DENND1A: variants seen among roughly 807,000 people sequenced by gnomAD.
The protein encoded by DENND1A is DENN domain-containing protein 1A.
Under a neutral mutation model 113.7 loss-of-function variants are expected in DENND1A, and 51 were observed. That is an observed-to-expected ratio of 0.45 (90% confidence interval 0.36 to 0.57). The LOEUF (loss-of-function observed/expected upper bound fraction) is 0.57. Ranked by LOEUF, DENND1A falls within the 20% of genes least tolerant of loss-of-function variation. The pLI, the probability that DENND1A is intolerant of heterozygous loss-of-function variation, is 0.00. For missense variants in DENND1A, 1,258 were observed against 1,395.9 expected (o/e 0.90, Z 1.57); for synonymous variants, 565 against 570.8 (o/e 0.99, Z 0.14).
At chr9:123,798,040 T>C (rs144859528) in intron 2 of DENND1A, among the ~76,000 whole-genome samples, 1 of 152,334 alleles carries the variant, frequency 6.6e-6, no homozygotes, top group African/African-American at 2.4e-5. Context: ...TAGGTGTAAC[T>C]TTTTGCTTTA....
chr9:123,438,479 C>G (rs570747077), intron 19 of DENND1A, among the ~76,000 whole-genome samples: 2 of 152,248 alleles, frequency 1.3e-5, no homozygotes, highest in Admixed American at 1.3e-4. Flanking sequence ...TTTGACAGCA[C>G]GTCTCAATTA....
At chr9:123,830,582 G>A (rs1191086527) in intron 2 of DENND1A, among the ~76,000 whole-genome samples, 1 of 151,940 alleles carries the variant, frequency 6.6e-6, no homozygotes, top group Admixed American at 6.6e-5. Flanking sequence ...AGGGAAAAGA[G>A]GGCCGGGCAC....
intron 11 of DENND1A, 35 bp from the exon 12 acceptor site, chr9:123,583,305 T>G (rs757169590): frequency 6.5e-7 from 1 of 1,527,906 alleles, no homozygotes; most frequent in East Asian, 2.3e-5. Flanking sequence ...GAGAAGGTCA[T>G]TGAGGTGCCA....
chr9:123,624,247 T>C (rs1202697495), intron 10 of DENND1A, among the ~76,000 whole-genome samples: 2 of 152,214 alleles, frequency 1.3e-5, no homozygotes, highest in African/African-American at 4.8e-5. Flanking sequence ...CTCCTAGCAC[T>C]TTACTTAAAA....
intron 1 of DENND1A, among the ~76,000 whole-genome samples, chr9:123,929,222 T>G (rs1380116286): frequency 6.6e-6 from 1 of 152,164 alleles, no homozygotes; most frequent in Non-Finnish European, 1.5e-5. Context: ...GGTGAATGAA[T>G]GAGTGAGGGA....
chr9:123,763,093 T>TG (rs2071178026), intron 4 of DENND1A, among the ~76,000 whole-genome samples: 1 of 149,616 alleles, frequency 6.7e-6, no homozygotes, highest in African/African-American at 2.5e-5. Flanking sequence ...TTTTTTTTTT[T>TG]GGCGGTGGGG....
intron 12 of DENND1A, among the ~76,000 whole-genome samples, chr9:123,568,704 T>C (rs944959559): frequency 6.6e-6 from 1 of 152,236 alleles, no homozygotes; most frequent in Middle Eastern, 3.4e-3. Flanking sequence ...CTTAGGGATG[T>C]GGCCAGGCCG....
At chr9:123,857,195 A>T (rs2536953) in intron 2 of DENND1A, among the ~76,000 whole-genome samples, 13,131 of 152,212 alleles carry the variant, frequency 0.086, 972 homozygotes, top group African/African-American at 0.2. Context: ...AGAAACTAAA[A>T]GATGAGCACA....
intron 1 of DENND1A, among the ~76,000 whole-genome samples, chr9:123,885,270 A>G (rs1848897697): frequency 6.6e-6 from 1 of 152,228 alleles, no homozygotes; most frequent in African/African-American, 2.4e-5. Flanking sequence ...TCCTAAACTT[A>G]TTCCAAAGTA....
chr9:123,779,839 G>C (rs1412856452), intron 3 of DENND1A, among the ~76,000 whole-genome samples: 1 of 150,714 alleles, frequency 6.6e-6, no homozygotes, highest in Non-Finnish European at 1.5e-5. Flanking sequence ...CCAGATCATG[G>C]ATTAGATCCT....
intron 2 of DENND1A, among the ~76,000 whole-genome samples, chr9:123,845,509 C>T (rs1201538314): frequency 6.6e-6 from 1 of 151,048 alleles, no homozygotes; most frequent in African/African-American, 2.4e-5. Context: ...TCCCTACCCA[C>T]CCCCCAAAAA....
chr9:123,915,667 A>G (rs1388544272), intron 1 of DENND1A, among the ~76,000 whole-genome samples: 1 of 152,306 alleles, frequency 6.6e-6, no homozygotes, highest in South Asian at 2.1e-4. Flanking sequence ...TCTAAAGTTA[A>G]TTAACAGAGA....
chr9:123,391,989 C>G (rs1273675102), intron 21 of DENND1A, among the ~76,000 whole-genome samples: 2 of 152,158 alleles, frequency 1.3e-5, no homozygotes, highest in African/African-American at 4.8e-5. Flanking sequence ...CACGGCTGCT[C>G]CCGCCTCTGC....
chr9:123,634,028 T>C (rs1335291116), intron 9 of DENND1A, among the ~76,000 whole-genome samples: 3 of 152,244 alleles, frequency 2.0e-5, no homozygotes, highest in East Asian at 1.9e-4. Context: ...AGTCATTTAA[T>C]AGAATGAACC....
intron 5 of DENND1A, among the ~76,000 whole-genome samples, chr9:123,701,559 AC>A (rs914498996): frequency 1.3e-5 from 2 of 152,068 alleles, no homozygotes; most frequent in African/African-American, 4.8e-5. Context: ...TTCTAGACCC[AC>A]CCCAGCACCA....
intron 20 of DENND1A, among the ~76,000 whole-genome samples, chr9:123,409,412 C>G (rs1275154318): frequency 6.6e-6 from 1 of 151,774 alleles, no homozygotes; most frequent in East Asian, 1.9e-4. Context: ...GAAATGCTCA[C>G]TGGAGTATTC....
At chr9:123,712,155 T>C (rs1007100921) in intron 5 of DENND1A, among the ~76,000 whole-genome samples, 14 of 152,232 alleles carry the variant, frequency 9.2e-5, no homozygotes, top group African/African-American at 3.4e-4. Context: ...TCTTCAACAC[T>C]GTCCAGCCTT....
intron 13 of DENND1A, among the ~76,000 whole-genome samples, chr9:123,517,632 CA>C (rs1292871651): frequency 3.3e-5 from 5 of 151,558 alleles, no homozygotes; most frequent in Non-Finnish European, 1.5e-5. Context: ...AAAACAACAG[CA>C]AAACAAAACA....
intron 1 of DENND1A, among the ~76,000 whole-genome samples, chr9:123,901,193 A>C (rs1851561332): frequency 6.6e-6 from 1 of 152,176 alleles, no homozygotes; most frequent in Admixed American, 6.5e-5. Flanking sequence ...CAGAGACTGG[A>C]CTGGAAGAGT....
Sources: allele counts gnomAD v4.1 joint callset (sites outside exome capture counted in the v4.1 genomes callset), GRCh38; gene constraint gnomAD v4.1.1; transcripts MANE v1.5; gene names NCBI Gene and HGNC (gene_info 2026-07-23, HGNC 2026-07-21).